The following MACROD2 variants were observed in gnomAD, a reference collection of about 807,000 sequenced individuals.
MACROD2 encodes ADP-ribose glycohydrolase MACROD2.
Under a neutral mutation model 70.4 loss-of-function variants are expected in MACROD2, and 36 were observed. The ratio of observed to expected loss-of-function variants is 0.51; its 90% CI spans 0.39 to 0.68. MACROD2 has a LOEUF of 0.68. Among genes scored for constraint, MACROD2 ranks in the 30% least tolerant of loss-of-function variants. The pLI is 0.00. For synonymous variants in MACROD2, 172 were observed against 178.8 expected (o/e 0.96, Z 0.30); for missense variants, 496 against 538.4 (o/e 0.92, Z 0.78).
intron 8 of MACROD2, among the ~76,000 whole-genome samples, chr20:15,850,896 A>G (rs570679241): frequency 6.6e-6 from 1 of 152,214 alleles, no homozygotes; most frequent in Non-Finnish European, 1.5e-5. Flanking sequence ...ACAAGTCCTG[A>G]CTTCTTACCA....
chr20:15,948,620 T>C (rs1387216185), intron 12 of MACROD2, among the ~76,000 whole-genome samples: 1 of 152,102 alleles, frequency 6.6e-6, no homozygotes, highest in Non-Finnish European at 1.5e-5. Context: ...ATTTGTTCAC[T>C]TTCAGACTTT....
intron 10 of MACROD2, among the ~76,000 whole-genome samples, chr20:15,910,028 T>A (rs1036720241): frequency 6.6e-6 from 1 of 152,224 alleles, no homozygotes; most frequent in African/African-American, 2.4e-5. Context: ...GATTCCTGTC[T>A]ATGCAGATTG....
At chr20:14,546,400 T>C (rs1344845778) in intron 4 of MACROD2, among the ~76,000 whole-genome samples, 1 of 152,198 alleles carries the variant, frequency 6.6e-6, no homozygotes, top group East Asian at 1.9e-4. Flanking sequence ...TTTTCAACAG[T>C]AATTAGAAGA....
chr20:14,562,268 T>C (rs73901889), intron 4 of MACROD2, among the ~76,000 whole-genome samples: 3,686 of 152,000 alleles, frequency 0.024, 107 homozygotes, highest in Middle Eastern at 0.065. Context: ...GCATTATTTT[T>C]TTGCAGTGAT....
intron 5 of MACROD2, among the ~76,000 whole-genome samples, chr20:14,822,432 A>G (rs1227229233): frequency 6.6e-6 from 1 of 151,658 alleles, no homozygotes; most frequent in African/African-American, 2.4e-5. Context: ...CCCCTTTCTC[A>G]TTTTTCTAGC....
chr20:14,338,623 C>T (rs534601411), intron 3 of MACROD2, among the ~76,000 whole-genome samples: 1 of 152,164 alleles, frequency 6.6e-6, no homozygotes, highest in South Asian at 2.1e-4. Flanking sequence ...AGAATATTTT[C>T]CTTTCTAAAT....
At chr20:15,981,620 T>A (rs1367576782) in intron 13 of MACROD2, among the ~76,000 whole-genome samples, 2 of 152,162 alleles carry the variant, frequency 1.3e-5, no homozygotes, top group African/African-American at 4.8e-5. Context: ...AAAAACAAAT[T>A]TTTAGTCTTT....
chr20:14,765,287 G>A (rs1026918128), intron 5 of MACROD2, among the ~76,000 whole-genome samples: 2 of 152,042 alleles, frequency 1.3e-5, no homozygotes, highest in African/African-American at 4.8e-5. Flanking sequence ...GGACACACAG[G>A]AGTTGGCAGA....
rs555535567 is a variant in MACROD2 at position 15,915,183 on chromosome 20, C to T, written c.776-18093C>T. Among the ~76,000 whole-genome samples, 3 of 152,038 alleles carry T rather than the reference C, an allele frequency of 2.0e-5. No individual in the cohort carries two copies. In the South Asian group the frequency reaches 6.3e-4, roughly 32 times the overall value. On this transcript the variant is annotated intron_variant, in intron 10 of 17. Coordinates refer to ENST00000684519, the MANE Select transcript of MACROD2 (RefSeq NM_001351661.2). The stretch of plus-strand genomic sequence containing the variant: ...TTGGCCAGTGATGACTGACTCAATC[C>T]CCAGCACTTCTCTCCTCTCCATAGG...
At chr20:15,757,982 A>T (rs530622085) in intron 8 of MACROD2, among the ~76,000 whole-genome samples, 24 of 152,254 alleles carry the variant, frequency 1.6e-4, no homozygotes, top group African/African-American at 3.9e-4. Flanking sequence ...CTCCTTCCCA[A>T]ACCATGCCCA....
chr20:15,471,708 C>T (rs2046966223), intron 7 of MACROD2, among the ~76,000 whole-genome samples: 1 of 151,998 alleles, frequency 6.6e-6, no homozygotes, highest in African/African-American at 2.4e-5. Flanking sequence ...TTTTTTGTAT[C>T]TTCATCCATT....
intron 2 of MACROD2, among the ~76,000 whole-genome samples, chr20:14,075,468 C>T (rs555312259): frequency 2.6e-5 from 4 of 152,104 alleles, no homozygotes; most frequent in Admixed American, 6.5e-5. Flanking sequence ...AGTATGTGCT[C>T]CTCTAAATCT....
chr20:14,788,676 T>C (rs1227501514), intron 5 of MACROD2, among the ~76,000 whole-genome samples: 1 of 151,626 alleles, frequency 6.6e-6, no homozygotes, highest in African/African-American at 2.4e-5. Flanking sequence ...ACAGGGTTTA[T>C]TTGAACCCTG....
intron 13 of MACROD2, among the ~76,000 whole-genome samples, chr20:15,969,993 C>T (rs902390344): frequency 1.3e-5 from 2 of 151,378 alleles, no homozygotes; most frequent in Non-Finnish European, 2.9e-5. Flanking sequence ...TCCTGAAAAC[C>T]AAAGATAAAC....
intron 5 of MACROD2, among the ~76,000 whole-genome samples, chr20:15,051,219 AAC>A (rs1200987304): frequency 6.6e-6 from 1 of 152,168 alleles, no homozygotes; most frequent in Non-Finnish European, 1.5e-5. Context: ...TATCCAAATG[AAC>A]AGAGTCATTT....
chr20:14,951,621 G>C (rs2074476997), intron 5 of MACROD2, among the ~76,000 whole-genome samples: 1 of 152,160 alleles, frequency 6.6e-6, no homozygotes, highest in Non-Finnish European at 1.5e-5. Context: ...TGGCCCCAGA[G>C]ACTGGACAAA....
At chr20:14,770,549 T>A (rs1215973050) in intron 5 of MACROD2, among the ~76,000 whole-genome samples, 2 of 152,130 alleles carry the variant, frequency 1.3e-5, no homozygotes, top group Non-Finnish European at 2.9e-5. Context: ...AGTCTAATTT[T>A]TTCATTTGCT....
intron 2 of MACROD2, among the ~76,000 whole-genome samples, chr20:14,016,429 T>C (rs955820901): frequency 5.9e-5 from 9 of 152,112 alleles, no homozygotes; most frequent in Admixed American, 5.2e-4. Flanking sequence ...GTCCAGTTTA[T>C]CTGTTTTTTC....
chr20:15,799,633 T>A (rs2063706052), intron 8 of MACROD2, among the ~76,000 whole-genome samples: 1 of 152,236 alleles, frequency 6.6e-6, no homozygotes, highest in Non-Finnish European at 1.5e-5. Flanking sequence ...TCATTATTTT[T>A]ATGACAGAAC....
Sources: allele counts gnomAD v4.1 joint callset (sites outside exome capture counted in the v4.1 genomes callset), GRCh38; gene constraint gnomAD v4.1.1; transcripts MANE v1.5; gene names NCBI Gene and HGNC (gene_info 2026-07-23, HGNC 2026-07-21).